MYH1: variants seen among roughly 807,000 people sequenced by gnomAD.
The protein encoded by MYH1 is myosin heavy chain 1.
MYH1 carries 214 observed loss-of-function variants against 225.6 expected under a neutral mutation model. The ratio of observed to expected loss-of-function variants is 0.95; its 90% CI spans 0.85 to 1.06. MYH1 has a LOEUF of 1.06. Among genes scored for constraint, MYH1 ranks in the 50% least tolerant of loss-of-function variants. The pLI, the probability that MYH1 is intolerant of heterozygous loss-of-function variation, is 0.00. For missense variants in MYH1, 2,098 were observed against 2,344.2 expected, an observed-to-expected ratio of 0.89 and a Z score of 2.17; for synonymous variants, 774 against 842.3, an observed-to-expected ratio of 0.92 and a Z score of 1.40.
chr17:10,516,747 CT>C, intron 2 of MYH1, 65 bp from the exon 3 acceptor site: 2 of 1,409,328 alleles, frequency 1.4e-6, no homozygotes, highest in African/African-American at 1.5e-5. Context: ...ACATTTAAAA[CT>C]TTAAAAAAAA....
Position 10,504,859 on chromosome 17 carries a change from A to AT in MYH1, c.2641dup (p.Met881AsnfsTer10). ...ATTTTTTTCTTGCATCAGAGTAACC[A>AT]TTTTTTCTTCCAGCTCTTTCCTTTT... is the stretch of plus-strand genomic sequence containing the variant. On this transcript the variant is annotated frameshift_variant, in exon 22 of 40. Transcript: ENST00000226207. LOFTEE classifies it high-confidence loss of function. 2 of 1,613,958 alleles carry AT rather than the reference A, an allele frequency of 1.2e-6. No individual in the cohort carries two copies. The highest frequency in any genetic ancestry group is 2.2e-5 in the East Asian group (1 of 44,866).
chr17:10,511,506 T>C (rs1348148785), intron 14 of MYH1, among the ~76,000 whole-genome samples: 2 of 152,140 alleles, frequency 1.3e-5, no homozygotes, highest in African/African-American at 4.8e-5. Context: ...ATCTTGAAAC[T>C]AGCAGACAGA....
rs2073027072 is a variant in MYH1, at chr17:10,499,078, G to A, written c.3880C>T (p.Gln1294Ter). ...ACTAGTGTGTCCTTTTCATCTAGCT[G>A]GCGTGAATATTCACCTGTAAAAGAC... ...LQTESGEYSR[Q>*]LDEKDTLVSQ... Residue 1294 changes from glutamine (Q) to a stop codon, truncating the protein, a stop_gained, in exon 29 of 40, where the codon CAG becomes TAG. Transcript: ENST00000226207. LOFTEE classifies it high-confidence loss of function. 2 of 1,612,976 alleles carry A rather than the reference G, an allele frequency of 1.2e-6. No individual in the cohort carries two copies. Among genetic ancestry groups the A allele is most frequent in the African/African-American group, 1.3e-5 (1 of 74,842 alleles).
rs140469628 is a variant in MYH1, at chr17:10,515,260, A to G, written c.506-365T>C. On this transcript the variant is annotated intron_variant, in intron 5 of 39. Transcript: ENST00000226207. ...TGTCAGATGACTTCACAAAGAGAAA[A>G]AATTTACTATCTTATGGCCACAGAC... Among the ~76,000 whole-genome samples, 31 of 152,330 alleles carry G rather than the reference A, an allele frequency of 2.0e-4. 1 individual carries two copies. The East Asian group carries it at 6.0e-3, about 29-fold the overall frequency.
At chr17:10,513,745 G>A in intron 8 of MYH1, 56 bp from the exon 9 acceptor site, 1 of 1,611,772 alleles carries the variant, frequency 6.2e-7, no homozygotes, top group Non-Finnish European at 8.5e-7. Context: ...TAGTGGGGAT[G>A]CCACTGAAAT....
rs752888653 is a variant in MYH1, at chr17:10,505,313, G to C, written c.2299-14C>G. 1 of 1,614,166 alleles carries C rather than the reference G, an allele frequency of 6.2e-7. No individual in the cohort carries two copies. ...TTTGAAAAAGACCTATGTGTGGGAA[G>C]AATTTCAGATCAGAAAATTTACATA... is the stretch of plus-strand genomic sequence containing the variant. On this transcript the variant is annotated splice_polypyrimidine_tract_variant and intron_variant, in intron 20 of 39. Transcript: ENST00000226207.
chr17:10,505,057 A>G lies in MYH1; in HGVS notation c.2444T>C (p.Ile815Thr). ...ACGGACATTGTACTGGATGCAGAAGATGGACTCTCTGTCATAGGAACAGAA... is the reference window on the plus strand; with the variant it reads ...ACGGACATTGTACTGGATGCAGAAGGTGGACTCTCTGTCATAGGAACAGAA... ...YQKMVERRES[I>T]FCIQYNVRAF... The change falls in exon 22 of 40, where the codon ATC becomes ACC. Residue 815 changes from isoleucine to threonine, a missense_variant. Coordinates refer to ENST00000226207, the MANE Select transcript of MYH1 (RefSeq NM_005963.4). The G allele has an allele frequency of 6.2e-7, 1 of 1,614,194 alleles. No homozygotes were observed. Among genetic ancestry groups the G allele is most frequent in the South Asian group, 1.1e-5 (1 of 91,072 alleles).
intron 23 of MYH1, 41 bp from the exon 24 acceptor site, chr17:10,502,955 C>T (rs369938571): frequency 2.9e-5 from 47 of 1,613,978 alleles, no homozygotes; most frequent in Non-Finnish European, 3.6e-5. Context: ...TCTAAAGCAC[C>T]TTTGTTGGGT....
chr17:10,500,140 G>T (rs901011537), intron 28 of MYH1, among the ~76,000 whole-genome samples: 3 of 152,178 alleles, frequency 2.0e-5, no homozygotes, highest in African/African-American at 4.8e-5. Context: ...TGGACAAGTT[G>T]CTTCATCACT....
In MYH1 at chr17:10,497,429, C is replaced by T. The variant is rs142538104; in HGVS notation, c.4389G>A (p.Lys1463=). ...CAAGTTCAGCATGAGTTTCTTCACA[C>T]TTCTGTTTCCATTCTGCCAGGATCT... ...FDKILAEWKQ[K]CEETHAELEA... The change falls in exon 32 of 40, where the codon AAG becomes AAA. Residue 1463 remains lysine, a synonymous_variant. Transcript: ENST00000226207. 43 of 1,607,548 alleles carry T rather than the reference C, an allele frequency of 2.7e-5. No individual in the cohort carries two copies. The highest frequency in any genetic ancestry group is 1.5e-4 in the Admixed American group (9 of 58,516).
chr17:10,502,658 A>G, intron 24 of MYH1, 80 bp downstream of exon 24: 3 of 1,592,820 alleles, frequency 1.9e-6, no homozygotes, highest in Non-Finnish European at 2.6e-6. Flanking sequence ...AGTACTCACT[A>G]TATCATAACG....
rs112124362 is a variant in MYH1 at position 10,514,246 on chromosome 17, A to T, written c.534-122T>A. 8.6e-5 allele frequency: 99 copies of T among 1,145,888 alleles called. 1 individual carries two copies. In the African/African-American group the frequency reaches 1.1e-3, roughly 13 times the overall value. 71.0% of individuals were successfully genotyped at this position (1,145,888 alleles called of 1,614,324 possible). On this transcript the variant is annotated intron_variant, in intron 6 of 39. Coordinates refer to ENST00000226207, the MANE Select transcript of MYH1 (RefSeq NM_005963.4). ...TTACATCTTTCTTTTCAGCCTACAT[A>T]TAGCTCGTATTATTTCTTTTGCTTT...
In MYH1 at chr17:10,505,930, C is replaced by T. The variant is rs972887359; in HGVS notation, c.2057-1G>A. 2 of 1,614,166 alleles carry T rather than the reference C, an allele frequency of 1.2e-6. No individual in the cohort carries two copies. Among genetic ancestry groups the T allele is most frequent in the Admixed American group, 1.7e-5 (1 of 60,028 alleles). The stretch of plus-strand genomic sequence containing the variant: ...AGGACAAGCTCATGCTCCATGGCAC[C>T]TAAAAGAATGAATCCACATGCCATA... On this transcript the variant is annotated splice_acceptor_variant, in intron 18 of 39. Transcript: ENST00000226207. LOFTEE classifies it high-confidence loss of function.
intron 35 of MYH1, among the ~76,000 whole-genome samples, chr17:10,495,578 G>A (rs531114025): frequency 7.3e-5 from 11 of 151,560 alleles, no homozygotes; most frequent in Admixed American, 5.9e-4. Flanking sequence ...TGGCTAACAC[G>A]GTGAAACCCC....
chr17:10,517,613 C>G (rs2073241533), intron 2 of MYH1, among the ~76,000 whole-genome samples: 1 of 152,146 alleles, frequency 6.6e-6, no homozygotes, highest in Non-Finnish European at 1.5e-5. Context: ...ACATTTCTCC[C>G]ATTGAAACTA....
chr17:10,496,623 C>G (rs750627949), intron 33 of MYH1, 74 bp from the exon 34 acceptor site: 336 of 1,597,970 alleles, frequency 2.1e-4, no homozygotes, highest in Admixed American at 7.0e-4. Context: ...AATGATTTAT[C>G]ATTCATGAAA....
rs1162184226 is a variant in MYH1, at chr17:10,509,664, G to A, written c.1417-9C>T. On this transcript the variant is annotated splice_polypyrimidine_tract_variant and intron_variant, in intron 14 of 39. Coordinates refer to ENST00000226207, the MANE Select transcript of MYH1 (RefSeq NM_005963.4). ...TGCTCCAGGCTGTTGAACTAAATGA[G>A]TTGAAAATACAAATTAGCATTCAAT... 4 of 1,614,180 alleles carry A rather than the reference G, an allele frequency of 2.5e-6. No homozygotes were observed. The highest frequency in any genetic ancestry group is 3.4e-6 in the Non-Finnish European group (4 of 1,180,010).
chr17:10,508,897 G>A (rs765202806), intron 15 of MYH1, among the ~76,000 whole-genome samples: 5 of 152,230 alleles, frequency 3.3e-5, no homozygotes, highest in Non-Finnish European at 7.3e-5. Flanking sequence ...GAGTAAGACA[G>A]ATGAAGGCTG....
chr17:10,512,258 G>A, intron 12 of MYH1, 66 bp from the exon 13 acceptor site: 3 of 1,583,378 alleles, frequency 1.9e-6, no homozygotes, highest in Non-Finnish European at 2.6e-6. Flanking sequence ...AAGGGGCATA[G>A]TATTGAGTAA....
Sources: gnomAD v4.1 joint callset for allele counts (sites outside exome capture counted in the v4.1 genomes callset) on GRCh38, gnomAD v4.1.1 for gene constraint, MANE v1.5 for transcripts, NCBI Gene and HGNC (gene_info 2026-07-23, HGNC 2026-07-21) for gene names.